The following MECOM variants were observed in gnomAD, a reference collection of about 807,000 sequenced individuals.
MECOM encodes the protein histone-lysine N-methyltransferase MECOM.
In MECOM, 13 loss-of-function variants were observed where a neutral mutation model predicts 116.3. The ratio of observed to expected loss-of-function variants is 0.11; its 90% CI spans 0.07 to 0.18. The LOEUF (loss-of-function observed/expected upper bound fraction) is 0.18. Ranked by LOEUF, MECOM falls within the 10% of genes least tolerant of loss-of-function variation. MECOM has a pLI of 1.00. For synonymous variants in MECOM, 528 were observed against 535.2 expected, an observed-to-expected ratio of 0.99 and a Z score of 0.19; for missense variants, 1,299 against 1,509.0, an observed-to-expected ratio of 0.86 and a Z score of 2.31.
chr3:169,115,887 A>G lies in MECOM; in HGVS notation c.1985T>C (p.Ile662Thr), dbSNP rs779040361. 1 of 1,614,130 alleles carries G rather than the reference A, an allele frequency of 6.2e-7. No individual in the cohort carries two copies. Among genetic ancestry groups the G allele is most frequent in the Non-Finnish European group, 8.5e-7 (1 of 1,180,044 alleles). Residue 662 changes from isoleucine (I) to threonine (T), a missense_variant, in exon 8 of 17, where the codon ATA (isoleucine) becomes ACA (threonine). Ile to Thr is a moderately conservative substitution (Grantham distance 89). This residue lies in a region of MECOM where 340 missense variants were observed against 312.6 expected (regional missense o/e 1.09). Transcript: ENST00000651503. ...TTCAGCAATAGAAGCAATAGCCTTT[A>G]TAGAATCATTCACAGCTCCTGACAC... ...TAVSGAVNDS[I>T]KAIASIAEKY...
chr3:169,260,263 A>T (rs954589365), intron 2 of MECOM, among the ~76,000 whole-genome samples: 6 of 152,214 alleles, frequency 3.9e-5, no homozygotes, highest in Non-Finnish European at 7.3e-5. Flanking sequence ...TTTTTAAAAA[A>T]ATATACCCAG....
At chr3:169,587,329 G>C (rs896774060) in intron 1 of MECOM, among the ~76,000 whole-genome samples, 1 of 151,988 alleles carries the variant, frequency 6.6e-6, no homozygotes, top group South Asian at 2.1e-4. Flanking sequence ...AAAACAATGA[G>C]TTTTAAGAGA....
At chr3:169,575,540 C>T (rs1764391590) in intron 1 of MECOM, among the ~76,000 whole-genome samples, 1 of 152,198 alleles carries the variant, frequency 6.6e-6, no homozygotes, top group African/African-American at 2.4e-5. Flanking sequence ...AGCCAAATGA[C>T]ACATGTAAAC....
At chr3:169,367,783 G>T (rs1430187499) in intron 2 of MECOM, among the ~76,000 whole-genome samples, 1 of 151,978 alleles carries the variant, frequency 6.6e-6, no homozygotes, top group East Asian at 1.9e-4. Context: ...GCAGTGGGTG[G>T]CATGGCCAAC....
Position 169,483,201 on chromosome 3 carries a change from T to A in MECOM, c.38-101677A>T, listed in dbSNP as rs976697212. ...AAAACCATTGTTTTATTTTTATTTT[T>A]ATTTTTTTTTTTTTTTTGCCCAGAA... On this transcript the variant is annotated intron_variant, in intron 1 of 16. Transcript: ENST00000651503. Among the ~76,000 whole-genome samples the A allele has an allele frequency of 7.5e-4, 92 of 122,360 alleles. 1 individual carries two copies. Among genetic ancestry groups the A allele is most frequent in the South Asian group, 6.1e-3 (24 of 3,950 alleles). 80.3% of individuals were successfully genotyped at this position (122,360 alleles called of 152,430 possible).
At chr3:169,382,687 G>T (rs1038417038) in intron 1 of MECOM, among the ~76,000 whole-genome samples, 1 of 151,488 alleles carries the variant, frequency 6.6e-6, no homozygotes, top group African/African-American at 2.4e-5. Flanking sequence ...CTAGTCAAAG[G>T]TTAATTATTT....
intron 1 of MECOM, among the ~76,000 whole-genome samples, chr3:169,639,236 A>G (rs1415534694): frequency 6.6e-6 from 1 of 152,192 alleles, no homozygotes; most frequent in Non-Finnish European, 1.5e-5. Flanking sequence ...CCAGCGATGG[A>G]TTCAGACTTG....
chr3:169,305,056 G>C (rs926804477), intron 2 of MECOM, among the ~76,000 whole-genome samples: 2 of 152,232 alleles, frequency 1.3e-5, no homozygotes, highest in Non-Finnish European at 2.9e-5. Flanking sequence ...TTTCTAATCA[G>C]AATAAATGAG....
chr3:169,326,139 G>A (rs1036658282), intron 2 of MECOM, among the ~76,000 whole-genome samples: 5 of 151,868 alleles, frequency 3.3e-5, no homozygotes, highest in African/African-American at 1.2e-4. Flanking sequence ...TCTCGGTGGA[G>A]GCAACAGTTG....
At chr3:169,568,090 C>T (rs750538148) in intron 1 of MECOM, among the ~76,000 whole-genome samples, 9 of 152,122 alleles carry the variant, frequency 5.9e-5, no homozygotes, top group Non-Finnish European at 8.8e-5. Flanking sequence ...CAGGATGGGG[C>T]GTCACCTCAC....
chr3:169,105,034 G>A (rs1208917513), intron 10 of MECOM, among the ~76,000 whole-genome samples: 1 of 152,068 alleles, frequency 6.6e-6, no homozygotes, highest in Non-Finnish European at 1.5e-5. Flanking sequence ...AAATTGGAGT[G>A]GGGAAAGGGA....
chr3:169,322,116 T>C (rs758038012), intron 2 of MECOM, among the ~76,000 whole-genome samples: 2 of 152,212 alleles, frequency 1.3e-5, no homozygotes, highest in Non-Finnish European at 2.9e-5. Flanking sequence ...AAGAAGTTAC[T>C]TGAATTTCTG....
Position 169,653,018 on chromosome 3 carries a change from T to TA in MECOM, c.37+10317_37+10318insT, listed in dbSNP as rs201624738. On this transcript the variant is annotated intron_variant, in intron 1 of 16. Coordinates refer to ENST00000651503, the MANE Select transcript of MECOM (RefSeq NM_004991.4). ...TTTAAGATCAATAACAATTTGTGAT[T>TA]TAAGTGAGGGGTCATGGGCAATACC... 7.1e-3 allele frequency among the ~76,000 whole-genome samples: 1,074 copies of TA among 152,300 alleles called. 31 individuals carry two copies. The highest frequency in any genetic ancestry group is 0.059 in the Admixed American group (895 of 15,298).
At chr3:169,395,813 T>C (rs1288502881) in intron 1 of MECOM, among the ~76,000 whole-genome samples, 1 of 152,224 alleles carries the variant, frequency 6.6e-6, no homozygotes, top group Non-Finnish European at 1.5e-5. Context: ...CCATACCTTA[T>C]AGATTGTAAA....
chr3:169,546,804 T>C (rs2109270471), intron 1 of MECOM, among the ~76,000 whole-genome samples: 1 of 152,340 alleles, frequency 6.6e-6, no homozygotes, highest in African/African-American at 2.4e-5. Flanking sequence ...CTTTTGAACT[T>C]TTTGAACTTT....
chr3:169,634,862 G>A (rs1287258824), intron 1 of MECOM, among the ~76,000 whole-genome samples: 1 of 152,036 alleles, frequency 6.6e-6, no homozygotes, highest in African/African-American at 2.4e-5. Context: ...AACTTGAAAG[G>A]CCTCAAAATC....
At chr3:169,486,011 T>TATAC (rs1752307397) in intron 1 of MECOM, among the ~76,000 whole-genome samples, 1 of 129,404 alleles carries the variant, frequency 7.7e-6, no homozygotes, top group Non-Finnish European at 1.6e-5. Context: ...ATATACTATA[T>TATAC]ATATATGTAT....
At chr3:169,439,387 G>C (rs1743232546) in intron 1 of MECOM, among the ~76,000 whole-genome samples, 1 of 148,614 alleles carries the variant, frequency 6.7e-6, no homozygotes, top group African/African-American at 2.5e-5. Context: ...CTAAATATTA[G>C]TATCCAGAAT....
chr3:169,494,252 A>G (rs1412069174), intron 1 of MECOM, among the ~76,000 whole-genome samples: 1 of 152,052 alleles, frequency 6.6e-6, no homozygotes, highest in Admixed American at 6.6e-5. Context: ...ATTTTTACTG[A>G]TAAATTTTTG....
Sources: gnomAD v4.1 joint callset for allele counts (sites outside exome capture counted in the v4.1 genomes callset) on GRCh38, gnomAD v4.1.1 for gene constraint, gnomAD v4.1.1 regional missense constraint, MANE v1.5 for transcripts, NCBI Gene and HGNC (gene_info 2026-07-23, HGNC 2026-07-21) for gene names.